The following PPP3CC variants were observed in gnomAD, a reference collection of about 807,000 sequenced individuals.
The protein encoded by PPP3CC is serine/threonine-protein phosphatase 2B catalytic subunit gamma isoform.
Under a neutral mutation model 60.3 loss-of-function variants are expected in PPP3CC, and 35 were observed. The observed-to-expected ratio is 0.58, with a 90% CI of 0.44 to 0.77. The LOEUF (loss-of-function observed/expected upper bound fraction) is 0.77. Ranked by LOEUF, PPP3CC falls within the 30% of genes least tolerant of loss-of-function variation. The pLI, the probability that PPP3CC is intolerant of heterozygous loss-of-function variation, is 0.00. For missense variants in PPP3CC, 570 were observed against 628.9 expected (o/e 0.91, Z 1.00); for synonymous variants, 206 against 224.3 (o/e 0.92, Z 0.73).
At chr8:22,472,608 C>T (rs1165220633) in intron 1 of PPP3CC, among the ~76,000 whole-genome samples, 1 of 152,082 alleles carries the variant, frequency 6.6e-6, no homozygotes, top group Non-Finnish European at 1.5e-5. Flanking sequence ...GAAATTTGCC[C>T]ATGGTGTTTT....
At chr8:22,527,635 A>AT (rs373674026) in intron 9 of PPP3CC, 118 bp downstream of exon 9, 116,612 of 917,104 alleles carry the variant, frequency 0.13, 207 homozygotes, top group Non-Finnish European at 0.13. Context: ...CTCTACATAG[A>AT]TTTTTTTTTT....
Position 22,491,198 on chromosome 8 carries a change from C to T in PPP3CC, c.373-6803C>T, listed in dbSNP as rs113381116. ...TGTCTCTAGGTTTTATGAACAAAAT[C>T]GGATTGCCAGGAGAAAGGGTGTATG... On this transcript the variant is annotated intron_variant, in intron 3 of 13. Coordinates refer to ENST00000240139, the MANE Select transcript of PPP3CC (RefSeq NM_005605.5). Among the ~76,000 whole-genome samples, 16 of 152,248 alleles carry T rather than the reference C, an allele frequency of 1.1e-4. 3 individuals carry two copies. The highest frequency in any genetic ancestry group is 3.6e-4 in the African/African-American group (15 of 41,550).
chr8:22,537,113 A>G (rs1839860796), intron 12 of PPP3CC, among the ~76,000 whole-genome samples: 1 of 152,226 alleles, frequency 6.6e-6, no homozygotes, highest in African/African-American at 2.4e-5. Flanking sequence ...TGTACTGCAA[A>G]TGGTACTATC....
At chr8:22,509,349 G>A (rs1036889129) in intron 4 of PPP3CC, among the ~76,000 whole-genome samples, 1 of 152,170 alleles carries the variant, frequency 6.6e-6, no homozygotes, top group Admixed American at 6.5e-5. Flanking sequence ...TAGATAGTCT[G>A]ACTCACTCGA....
chr8:22,500,903 C>T (rs961383747), intron 4 of PPP3CC, among the ~76,000 whole-genome samples: 8 of 152,138 alleles, frequency 5.3e-5, no homozygotes, highest in African/African-American at 1.9e-4. Context: ...CCTGTAATCC[C>T]AGTACTTTTG....
At position 22,527,378 on chromosome 8, in the gene PPP3CC, T is replaced by G; in HGVS notation, c.944-14T>G. 1 of 1,613,402 alleles carries G rather than the reference T, an allele frequency of 6.2e-7. No individual in the cohort carries two copies. The highest frequency in any genetic ancestry group is 8.5e-7 in the Non-Finnish European group (1 of 1,179,454). On this transcript the variant is annotated splice_polypyrimidine_tract_variant and intron_variant, in intron 8 of 13. Coordinates refer to ENST00000240139, the MANE Select transcript of PPP3CC (RefSeq NM_005605.5). Reference sequence around the variant, plus strand: ...TTCCTCTGTGCCAGATTTTCTTGCTTTTTTCCTTTTTAGCTGCTGTGTTGA... The same window carrying G: ...TTCCTCTGTGCCAGATTTTCTTGCTGTTTTCCTTTTTAGCTGCTGTGTTGA...
In PPP3CC at chr8:22,522,430, T is replaced by G. The variant is rs192443441; in HGVS notation, c.771-61T>G. 7 of 1,355,246 alleles carry G rather than the reference T, an allele frequency of 5.2e-6. No homozygotes were observed. The East Asian group carries it at 1.4e-4, about 28-fold the overall frequency. 84.0% of individuals were successfully genotyped at this position (1,355,246 alleles called of 1,614,324 possible). A position where few individuals can be genotyped will look rare whatever the true frequency, so the allele number is the denominator to read the frequency against. On this transcript the variant is annotated intron_variant, in intron 6 of 13. Transcript: ENST00000240139. ...CTAATATCACCTTGACTTTTCCCCA[T>G]CTTCCTATTAAAAAAAATTGTTTTA...
At chr8:22,504,105 A>AT (rs1277008805) in intron 4 of PPP3CC, among the ~76,000 whole-genome samples, 1 of 152,092 alleles carries the variant, frequency 6.6e-6, no homozygotes, top group Non-Finnish European at 1.5e-5. Flanking sequence ...TAATGCAGAG[A>AT]TTTTTTAAAA....
intron 1 of PPP3CC, among the ~76,000 whole-genome samples, chr8:22,470,370 A>G (rs947779915): frequency 6.6e-6 from 1 of 152,102 alleles, no homozygotes; most frequent in Non-Finnish European, 1.5e-5. Context: ...TAAGCACACT[A>G]TTTTCCTAAG....
intron 1 of PPP3CC, among the ~76,000 whole-genome samples, chr8:22,454,835 G>A (rs1185065973): frequency 1.3e-5 from 2 of 151,882 alleles, no homozygotes; most frequent in African/African-American, 4.8e-5. Context: ...TTGGGAGGCC[G>A]AGGCGGGTGG....
At chr8:22,463,005 G>A (rs558344729) in intron 1 of PPP3CC, among the ~76,000 whole-genome samples, 1 of 152,096 alleles carries the variant, frequency 6.6e-6, no homozygotes, top group Admixed American at 6.5e-5. Context: ...CCTTTAATTT[G>A]GATATGGGTC....
intron 3 of PPP3CC, among the ~76,000 whole-genome samples, chr8:22,496,388 T>G (rs1586833706): frequency 6.6e-6 from 1 of 151,900 alleles, no homozygotes; most frequent in East Asian, 1.9e-4. Flanking sequence ...TTTTCCATGT[T>G]AATTTTAGTG....
intron 10 of PPP3CC, 97 bp downstream of exon 10, chr8:22,528,674 A>C (rs1839626149): frequency 1.1e-6 from 1 of 928,640 alleles, no homozygotes. Context: ...GTCTTATTAA[A>C]AATAAAGTTA....
chr8:22,535,371 T>G (rs1839820648), intron 12 of PPP3CC, among the ~76,000 whole-genome samples: 1 of 152,342 alleles, frequency 6.6e-6, no homozygotes, highest in Non-Finnish European at 1.5e-5. Context: ...TAACACTAGG[T>G]ATGAAAATTG....
In PPP3CC at chr8:22,535,577, C is replaced by T. The variant is rs1281139655; in HGVS notation, c.1321+2559C>T. 3.3e-5 allele frequency among the ~76,000 whole-genome samples: 5 copies of T among 151,944 alleles called. No homozygotes were observed. The East Asian group carries it at 7.7e-4, about 23-fold the overall frequency. ...TAGGTACTGTCATAGCTCATGGCAG[C>T]GCCCGGTTGCTGGGCTCCAGCAATC... is the stretch of plus-strand genomic sequence containing the variant. On this transcript the variant is annotated intron_variant, in intron 12 of 13. Coordinates refer to ENST00000240139, the MANE Select transcript of PPP3CC (RefSeq NM_005605.5).
At chr8:22,465,580 C>CT (rs1837495841) in intron 1 of PPP3CC, among the ~76,000 whole-genome samples, 1 of 152,194 alleles carries the variant, frequency 6.6e-6, no homozygotes, top group East Asian at 1.9e-4. Context: ...GCTGCAAGTT[C>CT]TATCTCTTGC....
At chr8:22,450,160 C>T (rs180857724) in intron 1 of PPP3CC, among the ~76,000 whole-genome samples, 9 of 152,180 alleles carry the variant, frequency 5.9e-5, no homozygotes, top group Admixed American at 3.9e-4. Context: ...TGAGCCACCG[C>T]GCCCGGCTGT....
intron 1 of PPP3CC, among the ~76,000 whole-genome samples, chr8:22,465,184 C>T (rs1221517257): frequency 1.3e-5 from 2 of 152,074 alleles, no homozygotes; most frequent in Non-Finnish European, 2.9e-5. Flanking sequence ...TGGACTCAAA[C>T]TCCTGAGCTC....
At chr8:22,477,442 C>G (rs1022134804) in intron 3 of PPP3CC, among the ~76,000 whole-genome samples, 1 of 150,802 alleles carries the variant, frequency 6.6e-6, no homozygotes, top group Non-Finnish European at 1.5e-5. Context: ...CCGCTACACT[C>G]CAGCCTGGGT....
Sources: allele counts gnomAD v4.1 joint callset (sites outside exome capture counted in the v4.1 genomes callset), GRCh38; gene constraint gnomAD v4.1.1; transcripts MANE v1.5; gene names NCBI Gene and HGNC (gene_info 2026-07-23, HGNC 2026-07-21).